SLC60A1: variants seen among roughly 807,000 people sequenced by gnomAD.
The protein encoded by SLC60A1 is solute carrier family 60 member 1, also known as major facilitator superfamily domain containing 4.
the SLC60A1 span, chr1:205,580,750 T>A: frequency 6.2e-7 from 1 of 1,610,644 alleles, no homozygotes. The surrounding 1 kb of genome is among the most constrained non-coding windows in gnomAD (Gnocchi z 5.0). Context: ...TGCCTGCCAA[T>A]AGCACGGCCA....
chr1:205,570,948 CA>C, the SLC60A1 span, among the ~76,000 whole-genome samples: 4 of 152,216 alleles, frequency 2.6e-5, no homozygotes, highest in Non-Finnish European at 5.9e-5. Flanking sequence ...GATGCACACC[CA>C]CCCAGCTGGG....
the SLC60A1 span, chr1:205,580,087 C>A: frequency 7.4e-6 from 7 of 943,072 alleles, no homozygotes; most frequent in African/African-American, 6.6e-5. The surrounding 1 kb of genome is among the most constrained non-coding windows in gnomAD (Gnocchi z 5.0). Context: ...TCGGTTTTCC[C>A]ATCTCTAAAG....
At chr1:205,580,641 C>CCCCAA in the SLC60A1 span, 1 of 1,588,830 alleles carries the variant, frequency 6.3e-7, no homozygotes, top group Non-Finnish European at 8.6e-7. The surrounding 1 kb of genome is among the most constrained non-coding windows in gnomAD (Gnocchi z 5.0). Context: ...CCCCACCCGC[C>CCCCAA]ACCTCTCCTC....
the SLC60A1 span, among the ~76,000 whole-genome samples, chr1:205,579,081 G>A: frequency 1.3e-5 from 2 of 152,132 alleles, no homozygotes; most frequent in Non-Finnish European, 2.9e-5. Flanking sequence ...AGATCAACAC[G>A]GTCACCTTTC....
chr1:205,592,379 TTTTTAA>T, the SLC60A1 span: 25 of 1,268,932 alleles, frequency 2.0e-5, no homozygotes, highest in South Asian at 4.1e-4. Flanking sequence ...TTTTTTTTTT[TTTTTAA>T]TTTTATTATT....
chr1:205,569,394 C>T, the SLC60A1 span: 1 of 896,628 alleles, frequency 1.1e-6, no homozygotes. Context: ...CCGGCCTCTC[C>T]CCCGGCCCCG....
At chr1:205,593,027 A>G in the SLC60A1 span, among the ~76,000 whole-genome samples, 34 of 152,236 alleles carry the variant, frequency 2.2e-4, no homozygotes, top group Non-Finnish European at 5.9e-5. Flanking sequence ...GATGTCAGAA[A>G]TCTCTAATTC....
chr1:205,572,909 C>A, the SLC60A1 span, among the ~76,000 whole-genome samples: 1 of 152,128 alleles, frequency 6.6e-6, no homozygotes, highest in Non-Finnish European at 1.5e-5. Context: ...ATTATTCATC[C>A]GAGTCAAAAA....
chr1:205,586,076 C>T, the SLC60A1 span: 1 of 1,612,666 alleles, frequency 6.2e-7, no homozygotes, highest in East Asian at 2.2e-5. Context: ...TGTGGAGAAG[C>T]CCCTGTCTGT....
chr1:205,575,982 T>C, the SLC60A1 span, among the ~76,000 whole-genome samples: 1 of 152,242 alleles, frequency 6.6e-6, no homozygotes, highest in Non-Finnish European at 1.5e-5. Flanking sequence ...GGCTCAGTTC[T>C]ACTCCTCTCT....
At chr1:205,592,228 T>G in the SLC60A1 span, 1 of 1,614,128 alleles carries the variant, frequency 6.2e-7, no homozygotes, top group Non-Finnish European at 8.5e-7. Context: ...CTGGGCCTGT[T>G]TCTCAGCAGC....
the SLC60A1 span, chr1:205,569,319 G>GC: frequency 6.9e-7 from 1 of 1,456,028 alleles, no homozygotes. Context: ...GCGCCCGTGC[G>GC]CCCCCGCCCC....
the SLC60A1 span, among the ~76,000 whole-genome samples, chr1:205,599,440 G>A: frequency 8.5e-5 from 13 of 152,132 alleles, no homozygotes; most frequent in Admixed American, 7.9e-4. Context: ...GATTGTCTGC[G>A]CTGGACTCTT....
At chr1:205,570,101 C>T in the SLC60A1 span, among the ~76,000 whole-genome samples, 1 of 152,210 alleles carries the variant, frequency 6.6e-6, no homozygotes, top group African/African-American at 2.4e-5. Flanking sequence ...CACGACAGGG[C>T]TCTGGACTCT....
the SLC60A1 span, chr1:205,569,329 C>T: frequency 7.0e-7 from 1 of 1,437,314 alleles, no homozygotes; most frequent in African/African-American, 1.5e-5. Context: ...GCCCCCGCCC[C>T]GCGGCCCCCG....
the SLC60A1 span, among the ~76,000 whole-genome samples, chr1:205,578,311 G>A: frequency 1.3e-5 from 2 of 152,174 alleles, no homozygotes; most frequent in African/African-American, 4.8e-5. Context: ...CAGGGAAAGG[G>A]AGGGGAAAGA....
the SLC60A1 span, among the ~76,000 whole-genome samples, chr1:205,585,776 T>G: frequency 1.3e-5 from 2 of 151,736 alleles, no homozygotes; most frequent in African/African-American, 4.8e-5. The surrounding 1 kb of genome is among the most constrained non-coding windows in gnomAD (Gnocchi z 4.2). Flanking sequence ...CCCATGGAGA[T>G]CCAGAGCCAC....
At chr1:205,581,532 G>GA in the SLC60A1 span, among the ~76,000 whole-genome samples, 1 of 152,348 alleles carries the variant, frequency 6.6e-6, no homozygotes, top group South Asian at 2.1e-4. This position sits in a 1 kb window ranked among gnomAD's most constrained non-coding sequence, Gnocchi z 4.2. Flanking sequence ...CCCAAGTTGG[G>GA]ATCTCTCACG....
chr1:205,578,096 CAATAAT>C, the SLC60A1 span, among the ~76,000 whole-genome samples: 3 of 152,328 alleles, frequency 2.0e-5, no homozygotes, highest in Non-Finnish European at 4.4e-5. Context: ...GATTGAAAGA[CAATAAT>C]GATAATGAGC....
Sources: allele counts gnomAD v4.1 joint callset (sites outside exome capture counted in the v4.1 genomes callset), GRCh38; gene constraint gnomAD v4.1.1; non-coding constraint Gnocchi (gnomAD v3.1); transcripts MANE v1.5; gene names NCBI Gene and HGNC (gene_info 2026-07-23, HGNC 2026-07-21).